Variants in PLA2G6 observed in about 807,000 individuals in gnomAD.
The protein encoded by PLA2G6 is phospholipase A2 group VI, also known as 85/88 kDa calcium-independent phospholipase A2.
In PLA2G6, 62 loss-of-function variants were observed where a neutral mutation model predicts 83.8. That is an observed-to-expected ratio of 0.74 (90% confidence interval 0.60 to 0.91). PLA2G6 has a LOEUF of 0.91. Ranked by LOEUF, PLA2G6 falls within the 40% of genes least tolerant of loss-of-function variation. The pLI is 0.00. For missense variants in PLA2G6, 944 were observed against 1,102.0 expected (o/e 0.86, Z 2.03); for synonymous variants, 417 against 449.8 (o/e 0.93, Z 0.92).
intron 6 of PLA2G6, 104 bp from the exon 7 acceptor site, chr22:38,133,117 T>C: frequency 8.9e-7 from 1 of 1,117,740 alleles, no homozygotes; most frequent in Non-Finnish European, 1.3e-6. Flanking sequence ...CTACAGGTAC[T>C]GGGATGTTGG....
Position 38,132,638 on chromosome 22 carries a change from T to G in PLA2G6, c.1077+193A>C. The G allele has an allele frequency of 1.7e-6, 1 of 602,982 alleles. No homozygotes were observed. The highest frequency in any genetic ancestry group is 2.9e-6 in the Non-Finnish European group (1 of 339,092). 37.4% of individuals were successfully genotyped at this position (602,982 alleles called of 1,614,324 possible). ...CCACAGCACACAGGAGGTGGTGTTATTTTGGGCTGAGAGGGGGACTTGGAA... is the reference window on the plus strand; with the variant it reads ...CCACAGCACACAGGAGGTGGTGTTAGTTTGGGCTGAGAGGGGGACTTGGAA... On this transcript the variant is annotated intron_variant, in intron 7 of 16. Coordinates refer to ENST00000332509, the MANE Select transcript of PLA2G6 (RefSeq NM_003560.4). This position sits in a 1 kb window ranked among gnomAD's most constrained non-coding sequence, Gnocchi z 5.0.
At position 38,133,358 on chromosome 22, in the gene PLA2G6, C is replaced by A. The variant is rs575897834; in HGVS notation, c.895-345G>T. ...CCCTGCATCCCTCCCTGGAACCCTGCAAAGGTATCACCTCTCACTGGGCCT... is the reference window on the plus strand; with the variant it reads ...CCCTGCATCCCTCCCTGGAACCCTGAAAAGGTATCACCTCTCACTGGGCCT... On this transcript the variant is annotated intron_variant, in intron 6 of 16. Transcript: ENST00000332509. 3.0e-5 allele frequency: 11 copies of A among 364,624 alleles called. No homozygotes were observed. In the East Asian group the frequency reaches 5.5e-4, roughly 18 times the overall value. 22.6% of individuals were successfully genotyped at this position (364,624 alleles called of 1,614,324 possible).
At chr22:38,145,310 T>G in intron 3 of PLA2G6, 128 bp downstream of exon 3, 2 of 810,872 alleles carry the variant, frequency 2.5e-6, no homozygotes, top group Non-Finnish European at 4.2e-6. Context: ...ACTGCGTTAG[T>G]GAGCGACCAT....
chr22:38,168,836 C>T (rs1007347971), intron 2 of PLA2G6, among the ~76,000 whole-genome samples: 3 of 152,094 alleles, frequency 2.0e-5, no homozygotes, highest in African/African-American at 7.2e-5. Context: ...GGCAACAGAG[C>T]AAGACTGTCT....
intron 2 of PLA2G6, among the ~76,000 whole-genome samples, chr22:38,162,769 G>A (rs1177353851): frequency 6.6e-6 from 1 of 152,154 alleles, no homozygotes; most frequent in African/African-American, 2.4e-5. Flanking sequence ...TGGGGGCAAG[G>A]AGGACCCTAC....
chr22:38,176,698 G>A (rs181386156), intron 1 of PLA2G6, among the ~76,000 whole-genome samples: 14 of 152,222 alleles, frequency 9.2e-5, no homozygotes, highest in African/African-American at 3.1e-4. Flanking sequence ...CTCACGGTTG[G>A]CAAAGGGTTT....
At chr22:38,154,899 C>G (rs2089713692) in intron 2 of PLA2G6, among the ~76,000 whole-genome samples, 1 of 152,206 alleles carries the variant, frequency 6.6e-6, no homozygotes, top group Non-Finnish European at 1.5e-5. Context: ...AGAATCCTAA[C>G]AGATAAACTT....
At chr22:38,143,743 G>A in intron 3 of PLA2G6, 1 of 296,244 alleles carries the variant, frequency 3.4e-6, no homozygotes, top group South Asian at 3.3e-5. Flanking sequence ...GAGGGTTTTT[G>A]TTTTGTTTTG....
chr22:38,123,255 G>C lies in PLA2G6; in HGVS notation c.1431C>G (p.His477Gln), dbSNP rs1177587316. The C allele has an allele frequency of 2.6e-6, 4 of 1,558,310 alleles. No individual in the cohort carries two copies. Among genetic ancestry groups the C allele is most frequent in the Non-Finnish European group, 3.5e-6 (4 of 1,150,724 alleles). Reference sequence around the variant, plus strand: ...CTCCATCCAGGCACAGCAGGTGGTCGTGGCTGCAGTGGGAACAGCAGTGGG... The same window carrying C: ...CTCCATCCAGGCACAGCAGGTGGTCCTGGCTGCAGTGGGAACAGCAGTGGG... ...LGSMRDEKRT[H>Q]DHLLCLDGGG... Residue 477 changes from histidine (H) to glutamine (Q), a missense_variant, in exon 11 of 17, where the codon CAC becomes CAG. His to Gln is a conservative substitution (Grantham distance 24, BLOSUM62 0). Transcript: ENST00000332509. The surrounding 1 kb of genome is among the most constrained non-coding windows in gnomAD (Gnocchi z 4.1).
Position 38,134,792 on chromosome 22 carries a change from C to A in PLA2G6, c.894+196G>T, listed in dbSNP as rs951638764. 7.8e-5 allele frequency: 46 copies of A among 590,462 alleles called. No individual in the cohort carries two copies. The East Asian group carries it at 1.3e-3, about 17-fold the overall frequency. 36.6% of individuals were successfully genotyped at this position (590,462 alleles called of 1,614,324 possible). A position where few individuals can be genotyped will look rare whatever the true frequency, so the allele number is the denominator to read the frequency against. The stretch of plus-strand genomic sequence containing the variant: ...AGGAAACTGAGGCACAGGGCGGATC[C>A]CCCCGCCCAGCCAGAGAGCAGCAGA... On this transcript the variant is annotated intron_variant, in intron 6 of 16. Coordinates refer to ENST00000332509, the MANE Select transcript of PLA2G6 (RefSeq NM_003560.4).
At chr22:38,129,637 C>G in intron 7 of PLA2G6, 75 bp from the exon 8 acceptor site, 1 of 1,099,952 alleles carries the variant, frequency 9.1e-7, no homozygotes, top group Non-Finnish European at 1.4e-6. Flanking sequence ...TGGCTGCCAG[C>G]CCCAACCTGT....
chr22:38,160,460 A>G (rs2145892500), intron 2 of PLA2G6, among the ~76,000 whole-genome samples: 1 of 152,230 alleles, frequency 6.6e-6, no homozygotes, highest in South Asian at 2.1e-4. Context: ...TATAGTAGAC[A>G]ATGGAATTCT....
chr22:38,112,609 C>T (rs1252136664), intron 15 of PLA2G6, 32 bp from the exon 16 acceptor site: 20 of 1,532,832 alleles, frequency 1.3e-5, no homozygotes, highest in Non-Finnish European at 1.7e-5. Flanking sequence ...GAGTGCCGGG[C>T]CCACACCCCG....
In PLA2G6 at chr22:38,146,166, G is replaced by C. The variant is rs553087537; in HGVS notation, c.210-513C>G. ...TTCTCCTACCTCAGTCTCCAGAGTA[G>C]CTGGGATTAAAGGCGTGTGCTGCCA... On this transcript the variant is annotated intron_variant, in intron 2 of 16. Coordinates refer to ENST00000332509, the MANE Select transcript of PLA2G6 (RefSeq NM_003560.4). 41 of 185,128 alleles carry C rather than the reference G, an allele frequency of 2.2e-4. No individual in the cohort carries two copies. In the South Asian group the frequency reaches 2.8e-3, roughly 12 times the overall value. The allele number at this position is 185,128 out of a possible 1,614,324, so 11.5% of individuals were successfully genotyped here.
rs763740631 is a variant in PLA2G6, at chr22:38,127,379, G to C, written c.1348+890C>G. 2.1e-5 allele frequency: 27 copies of C among 1,311,724 alleles called. 1 individual carries two copies. In the South Asian group the frequency reaches 3.3e-4, roughly 16 times the overall value. 81.3% of individuals were successfully genotyped at this position (1,311,724 alleles called of 1,614,324 possible). On this transcript the variant is annotated intron_variant, in intron 9 of 16. Coordinates refer to ENST00000332509, the MANE Select transcript of PLA2G6 (RefSeq NM_003560.4). Reference sequence around the variant, plus strand: ...GAGCTAATGCCGCATGGCTAGGCTCGGTGGCCTCTCCAGGCCCAGGGCGTT... The same window carrying C: ...GAGCTAATGCCGCATGGCTAGGCTCCGTGGCCTCTCCAGGCCCAGGGCGTT...
At chr22:38,121,609 A>G (rs1392634230) in intron 11 of PLA2G6, among the ~76,000 whole-genome samples, 1 of 152,160 alleles carries the variant, frequency 6.6e-6, no homozygotes, top group African/African-American at 2.4e-5. Flanking sequence ...TGAGTTCCCC[A>G]GGGCCAGGGA....
At chr22:38,139,408 A>C (rs2088749148) in intron 5 of PLA2G6, 1 of 107,028 alleles carries the variant, frequency 9.3e-6, no homozygotes, top group South Asian at 3.3e-4. Flanking sequence ...ACATTAAATA[A>C]ATTTATTTTT....
intron 2 of PLA2G6, among the ~76,000 whole-genome samples, chr22:38,161,331 C>T (rs892101436): frequency 6.6e-6 from 1 of 152,062 alleles, no homozygotes. Context: ...GCTATCTTCT[C>T]GTTGTGCCCT....
chr22:38,180,140 GACACAC>G (rs133028), intron 1 of PLA2G6, among the ~76,000 whole-genome samples: 2,302 of 137,830 alleles, frequency 0.017, 25 homozygotes, highest in African/African-American at 0.036. Flanking sequence ...GATGTCTGCA[GACACAC>G]ACACACACAC....
Sources: gnomAD v4.1 joint callset for allele counts (sites outside exome capture counted in the v4.1 genomes callset) on GRCh38, gnomAD v4.1.1 for gene constraint, Gnocchi (gnomAD v3.1) non-coding constraint, MANE v1.5 for transcripts, NCBI Gene and HGNC (gene_info 2026-07-23, HGNC 2026-07-21) for gene names.